Variants in DCAF6 observed in about 807,000 individuals in gnomAD.
DCAF6 encodes DDB1 and CUL4 associated factor 6.
In DCAF6, 54 loss-of-function variants were observed where a neutral mutation model predicts 125.1. That is an observed-to-expected ratio of 0.43 (90% confidence interval 0.35 to 0.54). The LOEUF (loss-of-function observed/expected upper bound fraction) is 0.54, where lower values mean the gene tolerates loss of function less well. Ranked by LOEUF, DCAF6 falls within the 20% of genes least tolerant of loss-of-function variation. The probability of loss-of-function intolerance (pLI) is 0.01; values close to 1 mark genes in which losing one functional copy is unlikely to be tolerated. For missense variants in DCAF6, 934 were observed against 1,161.7 expected, an observed-to-expected ratio of 0.80 and a Z score of 2.85; for synonymous variants, 371 against 390.4, an observed-to-expected ratio of 0.95 and a Z score of 0.58.
At chr1:168,045,936 A>G (rs1353322220) in intron 16 of DCAF6, among the ~76,000 whole-genome samples, 1 of 152,096 alleles carries the variant, frequency 6.6e-6, no homozygotes, top group Non-Finnish European at 1.5e-5. Flanking sequence ...GTCCTCTTTC[A>G]GAGAACCTAG....
chr1:168,068,396 A>T lies in DCAF6; in HGVS notation c.2724A>T (p.Arg908Ser). The part of the protein sequence containing the change: ...TRNELMLEET[R>S]NTITVPASFM... ...ACGAACTCATGCTGGAAGAAACTAGAAACACCATTACAGTTCCAGCCTCTT... is the reference window on the plus strand; with the variant it reads ...ACGAACTCATGCTGGAAGAAACTAGTAACACCATTACAGTTCCAGCCTCTT... The change falls in exon 21 of 22, where the codon AGA becomes AGT. Residue 908 changes from arginine (R) to serine (S), a missense_variant. Transcript: ENST00000367840. The T allele has an allele frequency of 1.2e-6, 2 of 1,604,668 alleles. No homozygotes were observed. The highest frequency in any genetic ancestry group is 1.7e-6 in the Non-Finnish European group (2 of 1,174,792).
At chr1:168,011,778 G>A (rs1218300567) in intron 10 of DCAF6, among the ~76,000 whole-genome samples, 4 of 152,092 alleles carry the variant, frequency 2.6e-5, no homozygotes, top group Non-Finnish European at 5.9e-5. Context: ...AGGAGTTTGA[G>A]ACCAGCCTGG....
chr1:167,965,660 C>T lies in DCAF6; in HGVS notation c.160-969C>T, dbSNP rs117876264. Among the ~76,000 whole-genome samples, 873 of 152,050 alleles carry T rather than the reference C, an allele frequency of 5.7e-3. 19 individuals carry two copies. The highest frequency in any genetic ancestry group is 0.039 in the East Asian group (202 of 5,146). On this transcript the variant is annotated intron_variant, in intron 2 of 21. Transcript: ENST00000367840. ...TTTTCTTTTTTGAGACAGAGTCTTG[C>T]TCTGTCGCGTAGGCTGGGTGCAGTG...
chr1:168,044,176 T>A (rs1391166593), intron 14 of DCAF6, among the ~76,000 whole-genome samples: 1 of 152,138 alleles, frequency 6.6e-6, no homozygotes, highest in Non-Finnish European at 1.5e-5. Context: ...CAAAGGTTCC[T>A]ATGACTCAGA....
rs538221919 is a variant in DCAF6 at position 167,960,175 on chromosome 1, G to C, written c.160-6454G>C. Among the ~76,000 whole-genome samples, 6 of 152,094 alleles carry C rather than the reference G, an allele frequency of 3.9e-5. No individual in the cohort carries two copies. The South Asian group carries it at 1.2e-3, about 32-fold the overall frequency. On this transcript the variant is annotated intron_variant, in intron 2 of 21. Coordinates refer to ENST00000367840, the MANE Select transcript of DCAF6 (RefSeq NM_001198956.2). The stretch of plus-strand genomic sequence containing the variant: ...CTCCTTTGTCAAAGGTCCGATGATC[G>C]TGTTTATGTGGGTCTGTTTCTGGGC...
intron 2 of DCAF6, among the ~76,000 whole-genome samples, chr1:167,954,752 A>C (rs1237429692): frequency 6.6e-6 from 1 of 152,136 alleles, no homozygotes; most frequent in African/African-American, 2.4e-5. Flanking sequence ...GCACCCGGCA[A>C]ATTTTTGTAT....
chr1:167,977,348 C>G (rs1678410211), intron 4 of DCAF6, among the ~76,000 whole-genome samples: 1 of 149,710 alleles, frequency 6.7e-6, no homozygotes. Context: ...GCCAGTTCTT[C>G]AAAGATAGTT....
chr1:167,965,756 T>G (rs1676312566), intron 2 of DCAF6, among the ~76,000 whole-genome samples: 1 of 152,004 alleles, frequency 6.6e-6, no homozygotes, highest in Non-Finnish European at 1.5e-5. Flanking sequence ...GGCTGAGGCC[T>G]CCCGAGTAGC....
the DCAF6 span, among the ~76,000 whole-genome samples, chr1:167,914,915 G>T: frequency 6.6e-6 from 1 of 152,140 alleles, no homozygotes; most frequent in Admixed American, 6.5e-5. Context: ...AAAACAAGAG[G>T]GTCATTTAAT....
intron 12 of DCAF6, among the ~76,000 whole-genome samples, chr1:168,025,600 T>C (rs1686233680): frequency 6.6e-6 from 1 of 152,172 alleles, no homozygotes; most frequent in Non-Finnish European, 1.5e-5. Context: ...ATTATAACTT[T>C]TAAAGTACTA....
chr1:168,030,623 A>G (rs1686958054), intron 12 of DCAF6, among the ~76,000 whole-genome samples: 1 of 152,208 alleles, frequency 6.6e-6, no homozygotes, highest in Non-Finnish European at 1.5e-5. Flanking sequence ...TTTAAGATGT[A>G]GAATAAACAG....
chr1:167,937,239 G>A, intron 1 of DCAF6: 2 of 591,518 alleles, frequency 3.4e-6, no homozygotes, highest in Non-Finnish European at 6.2e-6. Flanking sequence ...GGAGGGCCGG[G>A]CCGTGGGCAG....
At chr1:167,882,171 C>A in the DCAF6 span, among the ~76,000 whole-genome samples, 1 of 152,176 alleles carries the variant, frequency 6.6e-6, no homozygotes, top group Non-Finnish European at 1.5e-5. Flanking sequence ...CATCACATCA[C>A]TTTTCTCTGA....
Position 168,023,304 on chromosome 1 carries a change from A to G in DCAF6, c.1609+257A>G, listed in dbSNP as rs1685895994. ...AACTCTCTCCCTATAACAAAATTAT[A>G]ATGGATACAAACTATATCCATTTTT... On this transcript the variant is annotated intron_variant, in intron 12 of 21. Coordinates refer to ENST00000367840, the MANE Select transcript of DCAF6 (RefSeq NM_001198956.2). The G allele has an allele frequency of 5.5e-6, 3 of 547,696 alleles. No homozygotes were observed. In the South Asian group the frequency reaches 7.8e-5, roughly 14 times the overall value. The allele number at this position is 547,696 out of a possible 1,614,324, so 33.9% of individuals were successfully genotyped here.
At chr1:168,004,480 T>C in intron 9 of DCAF6, 53 bp from the exon 10 acceptor site, 1 of 1,560,744 alleles carries the variant, frequency 6.4e-7, no homozygotes, top group Admixed American at 1.7e-5. Context: ...TTTAGAGTTG[T>C]TGGTTTTAGA....
At chr1:168,001,426 A>G (rs966657860) in intron 7 of DCAF6, among the ~76,000 whole-genome samples, 1 of 152,200 alleles carries the variant, frequency 6.6e-6, no homozygotes, top group African/African-American at 2.4e-5. Context: ...TGAACACTTT[A>G]TAATTGATCA....
At chr1:168,056,617 C>T (rs1256114991) in intron 17 of DCAF6, among the ~76,000 whole-genome samples, 1 of 152,208 alleles carries the variant, frequency 6.6e-6, no homozygotes, top group African/African-American at 2.4e-5. Context: ...ACAATGTGGT[C>T]ACAAAATTTG....
the DCAF6 span, chr1:167,880,092 G>A: frequency 1.2e-6 from 2 of 1,602,358 alleles, no homozygotes; most frequent in Admixed American, 3.4e-5. Context: ...AAAGAAAGCT[G>A]GAGATGAGCT....
chr1:168,031,817 C>T (rs1687134584), intron 12 of DCAF6, among the ~76,000 whole-genome samples: 1 of 152,006 alleles, frequency 6.6e-6, no homozygotes, highest in African/African-American at 2.4e-5. Context: ...TACTTATTTT[C>T]ATTCTATACT....
Sources: allele counts gnomAD v4.1 joint callset (sites outside exome capture counted in the v4.1 genomes callset), GRCh38; gene constraint gnomAD v4.1.1; transcripts MANE v1.5; gene names NCBI Gene and HGNC (gene_info 2026-07-23, HGNC 2026-07-21).